The following MPZL1 variants were observed in gnomAD, a reference collection of about 807,000 sequenced individuals.
MPZL1 encodes the protein myelin protein zero like 1.
A neutral mutation model predicts 29.3 loss-of-function variants in MPZL1; 16 were observed. The observed-to-expected ratio is 0.55, with a 90% CI of 0.37 to 0.83. The LOEUF (loss-of-function observed/expected upper bound fraction) is 0.83, where lower values mean the gene tolerates loss of function less well. Among genes scored for constraint, MPZL1 ranks in the 40% least tolerant of loss-of-function variants. The pLI is 0.00. For synonymous variants in MPZL1, 143 were observed against 132.0 expected, an observed-to-expected ratio of 1.08 and a Z score of -0.57; for missense variants, 279 against 332.9, an observed-to-expected ratio of 0.84 and a Z score of 1.26.
intron 2 of MPZL1, among the ~76,000 whole-genome samples, chr1:167,766,481 C>T (rs1375797403): frequency 1.3e-5 from 2 of 152,216 alleles, no homozygotes; most frequent in African/African-American, 4.8e-5. Flanking sequence ...AGGAGAGTGT[C>T]TAGCTCTTGA....
intron 1 of MPZL1, among the ~76,000 whole-genome samples, chr1:167,739,257 A>G (rs901884752): frequency 2.3e-4 from 32 of 141,960 alleles, no homozygotes; most frequent in Non-Finnish European, 4.2e-4. Flanking sequence ...GGACTAATAC[A>G]TACACATACA....
chr1:167,751,726 ATAT>A (rs1660764897), intron 1 of MPZL1, among the ~76,000 whole-genome samples: 1 of 152,124 alleles, frequency 6.6e-6, no homozygotes, highest in Non-Finnish European at 1.5e-5. Context: ...GTTTTTAAAA[ATAT>A]CCCTCACATA....
At chr1:167,765,837 A>G in intron 2 of MPZL1, 88 bp downstream of exon 2, 1 of 1,252,134 alleles carries the variant, frequency 8.0e-7, no homozygotes, top group Non-Finnish European at 1.1e-6. Context: ...CTGATGGTTC[A>G]TTTCCAAAAT....
chr1:167,757,250 C>T (rs538887110), intron 1 of MPZL1, among the ~76,000 whole-genome samples: 8 of 152,282 alleles, frequency 5.3e-5, no homozygotes, highest in Non-Finnish European at 1.0e-4. Context: ...CACCAGCACA[C>T]GTCATTGAGT....
chr1:167,777,694 A>G (rs941645429), intron 5 of MPZL1, among the ~76,000 whole-genome samples: 2 of 152,218 alleles, frequency 1.3e-5, no homozygotes, highest in African/African-American at 2.4e-5. Flanking sequence ...AACCAGGGGA[A>G]GAACTACCTG....
intron 5 of MPZL1, among the ~76,000 whole-genome samples, chr1:167,777,878 C>T (rs1661405614): frequency 6.6e-6 from 1 of 152,110 alleles, no homozygotes; most frequent in East Asian, 1.9e-4. Flanking sequence ...ATGGACCCAC[C>T]ATAACAAAGC....
chr1:167,769,241 C>T (rs551123755), intron 2 of MPZL1, among the ~76,000 whole-genome samples: 2 of 152,172 alleles, frequency 1.3e-5, no homozygotes, highest in South Asian at 2.1e-4. Flanking sequence ...AGCAAAGGCA[C>T]TGGCTGCCTT....
At chr1:167,728,341 C>CT (rs1177820851) in intron 1 of MPZL1, among the ~76,000 whole-genome samples, 3 of 138,326 alleles carry the variant, frequency 2.2e-5, no homozygotes, top group Admixed American at 7.1e-5. Flanking sequence ...AATTTTTTTT[C>CT]TTTTTTTTCT....
At chr1:167,739,567 A>T (rs1230743479) in intron 1 of MPZL1, among the ~76,000 whole-genome samples, 1 of 152,106 alleles carries the variant, frequency 6.6e-6, no homozygotes, top group Non-Finnish European at 1.5e-5. Flanking sequence ...ACAGATGTAG[A>T]AATTGAGCTC....
rs201703477 is a variant in MPZL1, at chr1:167,787,686, TC to T, written c.709-132del. On this transcript the variant is annotated intron_variant, in intron 5 of 5. Transcript: ENST00000359523. The stretch of plus-strand genomic sequence containing the variant: ...TGGATGTATCATCCATAAGAAGTCT[TC>T]CTGAAGACATTCAAGAGGGAAGTCT... 1,146 of 627,048 alleles carry T rather than the reference TC, an allele frequency of 1.8e-3. 10 individuals are homozygous for T. Among genetic ancestry groups the T allele is most frequent in the African/African-American group, 0.018 (962 of 54,682 alleles). The allele number at this position is 627,048 out of a possible 1,614,324, so 38.8% of individuals were successfully genotyped here.
intron 1 of MPZL1, among the ~76,000 whole-genome samples, chr1:167,733,733 G>A (rs1660316098): frequency 6.7e-6 from 1 of 149,462 alleles, no homozygotes; most frequent in African/African-American, 2.5e-5. Context: ...GACAGAGTGA[G>A]ACTCTGTCAA....
At chr1:167,754,961 A>G (rs961655730) in intron 1 of MPZL1, among the ~76,000 whole-genome samples, 1 of 152,212 alleles carries the variant, frequency 6.6e-6, no homozygotes, top group Non-Finnish European at 1.5e-5. Context: ...CTCTCCTATT[A>G]TTGGTATCCC....
chr1:167,736,488 C>T (rs1660381120), intron 1 of MPZL1, among the ~76,000 whole-genome samples: 1 of 152,098 alleles, frequency 6.6e-6, no homozygotes, highest in Non-Finnish European at 1.5e-5. Context: ...ATATATCTCT[C>T]CTCCTCAAAC....
intron 1 of MPZL1, among the ~76,000 whole-genome samples, chr1:167,763,326 G>A (rs1428343560): frequency 6.6e-6 from 1 of 152,004 alleles, no homozygotes; most frequent in Non-Finnish European, 1.5e-5. Context: ...GACCAGCCTG[G>A]GCAACATGGT....
chr1:167,763,959 G>A (rs1383189135), intron 1 of MPZL1, among the ~76,000 whole-genome samples: 4 of 152,178 alleles, frequency 2.6e-5, no homozygotes, highest in Non-Finnish European at 4.4e-5. Context: ...ATGGTTGGGA[G>A]GAATGGGGGA....
At chr1:167,786,148 T>C (rs34412860) in intron 5 of MPZL1, among the ~76,000 whole-genome samples, 113,768 of 151,678 alleles carry the variant, frequency 0.75, 43,190 homozygotes, top group African/African-American at 0.86. Flanking sequence ...ATTTAACTTG[T>C]AGCTTTCTGA....
rs149348021 is a variant in MPZL1, at chr1:167,729,320, C to A, written c.91+7078C>A. On this transcript the variant is annotated intron_variant, in intron 1 of 5. Transcript: ENST00000359523. ...TGTTATTAAAATTAAGAAATGTGTTCTTTTCTCTCCAAACATTAAGTTTAC... is the reference window on the plus strand; with the variant it reads ...TGTTATTAAAATTAAGAAATGTGTTATTTTCTCTCCAAACATTAAGTTTAC... 8.7e-4 allele frequency among the ~76,000 whole-genome samples: 132 copies of A among 151,776 alleles called. 1 individual carries two copies. The highest frequency in any genetic ancestry group is 2.9e-3 in the African/African-American group (119 of 41,416).
intron 4 of MPZL1, among the ~76,000 whole-genome samples, chr1:167,775,524 T>G (rs76835818): frequency 0.073 from 11,085 of 152,194 alleles, 582 homozygotes; most frequent in African/African-American, 0.14. Flanking sequence ...CCTGAGTTTT[T>G]GGGGGGATTT....
At position 167,722,093 on chromosome 1, in the gene MPZL1, C is replaced by G; in HGVS notation, c.-59C>G. 1.6e-6 allele frequency: 2 copies of G among 1,232,148 alleles called. No homozygotes were observed. Among genetic ancestry groups the G allele is most frequent in the African/African-American group, 1.6e-5 (1 of 64,434 alleles). 76.3% of individuals were successfully genotyped at this position (1,232,148 alleles called of 1,614,324 possible). A position where few individuals can be genotyped will look rare whatever the true frequency, so the allele number is the denominator to read the frequency against. ...CCTCTTCCCCAAGCCGAGCCAACCT[C>G]AGCGGGGACCCGGGCTCAGGGACGC... On this transcript the variant is annotated 5_prime_UTR_variant, in exon 1 of 6. Coordinates refer to ENST00000359523, the MANE Select transcript of MPZL1 (RefSeq NM_003953.6).
Sources: allele counts gnomAD v4.1 joint callset (sites outside exome capture counted in the v4.1 genomes callset), GRCh38; gene constraint gnomAD v4.1.1; transcripts MANE v1.5; gene names NCBI Gene and HGNC (gene_info 2026-07-23, HGNC 2026-07-21).